Variants in ATRNL1 observed in about 807,000 individuals in gnomAD.
ATRNL1 encodes the protein attractin like 1.
ATRNL1 carries 95 observed loss-of-function variants against 182.7 expected under a neutral mutation model. The observed-to-expected ratio is 0.52, with a 90% CI of 0.44 to 0.62. The LOEUF is 0.62. Among genes scored for constraint, ATRNL1 ranks in the 20% least tolerant of loss-of-function variants. The probability of loss-of-function intolerance (pLI) is 0.00; values close to 1 mark genes in which losing one functional copy is unlikely to be tolerated. For missense variants in ATRNL1, 1,471 were observed against 1,679.5 expected, an observed-to-expected ratio of 0.88 and a Z score of 2.17; for synonymous variants, 576 against 568.3, an observed-to-expected ratio of 1.01 and a Z score of -0.19.
chr10:115,579,684 A>G (rs1161158712), intron 26 of ATRNL1, among the ~76,000 whole-genome samples: 2 of 151,930 alleles, frequency 1.3e-5, no homozygotes, highest in Admixed American at 6.6e-5. Context: ...TAGCCAGCCT[A>G]TATCTTTTTA....
chr10:115,422,701 G>C (rs1161527897), intron 20 of ATRNL1, among the ~76,000 whole-genome samples: 2 of 152,126 alleles, frequency 1.3e-5, no homozygotes, highest in African/African-American at 4.8e-5. Context: ...AAAAGAACAA[G>C]ATCATGTTTT....
chr10:115,671,842 C>T (rs1208723810), intron 26 of ATRNL1, among the ~76,000 whole-genome samples: 1 of 151,974 alleles, frequency 6.6e-6, no homozygotes, highest in Admixed American at 6.6e-5. Flanking sequence ...CATTTCAGTC[C>T]ATTTGAGTTG....
At chr10:115,139,312 C>T (rs567312256) in intron 5 of ATRNL1, among the ~76,000 whole-genome samples, 10 of 152,306 alleles carry the variant, frequency 6.6e-5, no homozygotes, top group South Asian at 4.1e-4. Flanking sequence ...TTTTCAGCCG[C>T]GCTCCACTCT....
intron 28 of ATRNL1, among the ~76,000 whole-genome samples, chr10:115,866,689 G>A (rs1951447406): frequency 6.6e-6 from 1 of 152,128 alleles, no homozygotes. Flanking sequence ...AACTAAGAAG[G>A]AAAAATGGCA....
At chr10:115,942,987 GACAA>G (rs1475900037) in intron 28 of ATRNL1, among the ~76,000 whole-genome samples, 2 of 152,138 alleles carry the variant, frequency 1.3e-5, no homozygotes, top group East Asian at 3.9e-4. Flanking sequence ...TCCATCATTG[GACAA>G]ACAATGTAAC....
chr10:115,648,171 G>A (rs1859752969), intron 26 of ATRNL1, among the ~76,000 whole-genome samples: 1 of 152,152 alleles, frequency 6.6e-6, no homozygotes, highest in African/African-American at 2.4e-5. Flanking sequence ...GTAGCAGACA[G>A]AGAGCCAAAT....
At chr10:115,854,575 G>T (rs1951135702) in intron 28 of ATRNL1, among the ~76,000 whole-genome samples, 1 of 152,156 alleles carries the variant, frequency 6.6e-6, no homozygotes, top group African/African-American at 2.4e-5. Context: ...CCTCTCACCT[G>T]CTGAGCAGCA....
At chr10:115,452,301 A>G (rs1847318789) in intron 21 of ATRNL1, among the ~76,000 whole-genome samples, 1 of 152,052 alleles carries the variant, frequency 6.6e-6, no homozygotes, top group South Asian at 2.1e-4. Flanking sequence ...AACTTTATTA[A>G]TTTTTTCCTT....
chr10:115,500,118 TGAC>T (rs1554979678), intron 24 of ATRNL1, among the ~76,000 whole-genome samples: 56 of 152,204 alleles, frequency 3.7e-4, no homozygotes, highest in African/African-American at 1.1e-3. Flanking sequence ...CCTGGATAAT[TGAC>T]GTAGGCCACA....
intron 19 of ATRNL1, among the ~76,000 whole-genome samples, chr10:115,392,706 G>A (rs1229826661): frequency 1.3e-5 from 2 of 152,052 alleles, no homozygotes; most frequent in African/African-American, 4.8e-5. Context: ...GTCTTTGGGG[G>A]CTCTTCTGAG....
At chr10:115,375,904 C>G (rs963633307) in intron 19 of ATRNL1, among the ~76,000 whole-genome samples, 2 of 152,052 alleles carry the variant, frequency 1.3e-5, no homozygotes, top group Non-Finnish European at 2.9e-5. Context: ...CTGAATTTGA[C>G]TATAGATTTA....
intron 25 of ATRNL1, among the ~76,000 whole-genome samples, chr10:115,548,591 G>A (rs1852797277): frequency 6.6e-6 from 1 of 152,172 alleles, no homozygotes; most frequent in African/African-American, 2.4e-5. Flanking sequence ...ACAGGGTTGA[G>A]ATTGATTAAT....
At chr10:115,838,773 G>A (rs566551035) in intron 27 of ATRNL1, among the ~76,000 whole-genome samples, 9 of 146,974 alleles carry the variant, frequency 6.1e-5, no homozygotes, top group South Asian at 2.2e-4. Flanking sequence ...AAGGATATTC[G>A]TTTTAAGCAA....
At chr10:115,835,058 G>A (rs868975981) in intron 27 of ATRNL1, among the ~76,000 whole-genome samples, 2 of 152,222 alleles carry the variant, frequency 1.3e-5, no homozygotes, top group Middle Eastern at 3.4e-3. Flanking sequence ...ATTAATAATA[G>A]TTGACATTAT....
intron 26 of ATRNL1, among the ~76,000 whole-genome samples, chr10:115,647,022 A>T (rs1345553430): frequency 2.2e-5 from 3 of 137,326 alleles, no homozygotes; most frequent in African/African-American, 8.2e-5. Context: ...TCATTGTTCA[A>T]TTCCCACCTA....
intron 27 of ATRNL1, among the ~76,000 whole-genome samples, chr10:115,804,976 CTA>C (rs1395153797): frequency 3.4e-4 from 52 of 152,170 alleles, no homozygotes; most frequent in African/African-American, 1.3e-3. Flanking sequence ...AATTTGCAAA[CTA>C]TGTGTATGTG....
intron 13 of ATRNL1, among the ~76,000 whole-genome samples, chr10:115,274,865 C>T (rs1852034555): frequency 1.3e-5 from 2 of 152,324 alleles, no homozygotes; most frequent in South Asian, 4.1e-4. Flanking sequence ...GAAACCACAT[C>T]TGATAAGGCA....
chr10:115,884,050 G>A (rs1361739237), intron 28 of ATRNL1, among the ~76,000 whole-genome samples: 1 of 152,198 alleles, frequency 6.6e-6, no homozygotes, highest in Admixed American at 6.5e-5. Context: ...AACAATGCTA[G>A]AGCTGAGGAA....
rs781833570 is a variant in ATRNL1 at position 115,945,870 on chromosome 10, G to C, written c.*1091G>C. The C allele has an allele frequency of 6.6e-6, 1 of 152,076 alleles. No homozygotes were observed. The highest frequency in any genetic ancestry group is 2.4e-5 in the African/African-American group (1 of 41,386). The allele number at this position is 152,076 out of a possible 1,614,324, so 9.4% of individuals were successfully genotyped here. On this transcript the variant is annotated 3_prime_UTR_variant, in exon 29 of 29. Transcript: ENST00000355044. ...CAGGAGTCTTCTTCCCAACACGAGC[G>C]CATCCATGTCCTGAGAAAAAGTCTG... is the stretch of plus-strand genomic sequence containing the variant.
Sources: gnomAD v4.1 joint callset for allele counts (sites outside exome capture counted in the v4.1 genomes callset) on GRCh38, gnomAD v4.1.1 for gene constraint, MANE v1.5 for transcripts, NCBI Gene and HGNC (gene_info 2026-07-23, HGNC 2026-07-21) for gene names.